FLCN: variants seen among roughly 807,000 people sequenced by gnomAD.
The protein encoded by FLCN is folliculin.
FLCN carries 22 observed loss-of-function variants against 62.5 expected under a neutral mutation model. The observed-to-expected ratio is 0.35, with a 90% CI of 0.25 to 0.50. The LOEUF is 0.50. Ranked by LOEUF, FLCN falls within the 20% of genes least tolerant of loss-of-function variation. The pLI is 0.97. For missense variants in FLCN, 657 were observed against 778.0 expected (o/e 0.84, Z 1.85); for synonymous variants, 319 against 310.0 (o/e 1.03, Z -0.30).
At position 17,216,933 on chromosome 17, in the gene FLCN, T is replaced by C. The variant is rs898272398; in HGVS notation, c.1176+136A>G. 4.1e-6 allele frequency: 3 copies of C among 729,912 alleles called. No individual in the cohort carries two copies. Among genetic ancestry groups the C allele is most frequent in the South Asian group, 3.0e-5 (2 of 67,694 alleles). 45.2% of individuals were successfully genotyped at this position (729,912 alleles called of 1,614,324 possible). ...ACCAGACCCGGGTCTCCGTGCCCAC[T>C]GCGCCCCCAGTGGAGACCGTGTGGT... On this transcript the variant is annotated intron_variant, in intron 10 of 13. Transcript: ENST00000285071. The surrounding 1 kb of genome is among the most constrained non-coding windows in gnomAD (Gnocchi z 4.0).
intron 1 of FLCN, among the ~76,000 whole-genome samples, chr17:17,234,178 G>A (rs8079892): frequency 6.6e-6 from 1 of 151,422 alleles, no homozygotes; most frequent in South Asian, 2.1e-4. Context: ...CCAGCACCCA[G>A]AGCCAACATG....
rs1431737113 is a variant in FLCN, at chr17:17,217,085, G to A, written c.1160C>T (p.Ala387Val). The A allele has an allele frequency of 8.1e-6, 13 of 1,612,654 alleles. No homozygotes were observed. Among genetic ancestry groups the A allele is most frequent in the Admixed American group, 3.3e-5 (2 of 59,998 alleles). ...KSRDVDLVQS[A>V]FEVLRTMLPV... is the part of the protein sequence containing the mutation. ...TGTTCTCACCCGAAGTACTTCAAAA[G>A]CTGACTGGACGAGGTCCACGTCTCT... Residue 387 changes from alanine (A) to valine (V), a missense_variant, in exon 10 of 14, where the codon GCT (alanine) becomes GTT (valine). By Grantham distance (64) the Ala-to-Val change is moderately conservative. Coordinates refer to ENST00000285071, the MANE Select transcript of FLCN (RefSeq NM_144997.7).
chr17:17,222,272 G>C (rs1382951114), intron 7 of FLCN, among the ~76,000 whole-genome samples: 1 of 152,138 alleles, frequency 6.6e-6, no homozygotes, highest in African/African-American at 2.4e-5. Flanking sequence ...AGGAAGAAGT[G>C]AGTTCCACAT....
chr17:17,217,605 C>T (rs561894074), intron 9 of FLCN: 38 of 322,886 alleles, frequency 1.2e-4, no homozygotes, highest in South Asian at 7.9e-4. Flanking sequence ...AGTGCCTGGA[C>T]GGACGCATCT....
At chr17:17,217,224 A>AAACCATTTCTAC in intron 9 of FLCN, 42 bp from the exon 10 acceptor site, 1 of 1,344,170 alleles carries the variant, frequency 7.4e-7, no homozygotes, top group Non-Finnish European at 1.1e-6. Flanking sequence ...ACTAGTAGAA[A>AAACCATTTCTAC]TGGTTTTTCT....
chr17:17,213,955 G>A (rs2046827857), intron 13 of FLCN, 99 bp from the exon 14 acceptor site: 4 of 1,318,330 alleles, frequency 3.0e-6, no homozygotes, highest in African/African-American at 1.4e-5. Flanking sequence ...GGCACCAGCA[G>A]GAGCTGTGCA....
chr17:17,226,330 T>A lies in FLCN; in HGVS notation c.250-8A>T, dbSNP rs770589774. 6 of 1,614,066 alleles carry A rather than the reference T, an allele frequency of 3.7e-6. No individual in the cohort carries two copies. The Admixed American group carries it at 1.0e-4, about 27-fold the overall frequency. On this transcript the variant is annotated splice_polypyrimidine_tract_variant and splice_region_variant and intron_variant, in intron 4 of 13. Coordinates refer to ENST00000285071, the MANE Select transcript of FLCN (RefSeq NM_144997.7). ...AGCAAGTGACCGGCAGCCCTGTCCA[T>A]GAAAAGGAAAAGTAAATCTGTTAGT...
chr17:17,224,122 G>A lies in FLCN; in HGVS notation c.418C>T (p.Pro140Ser), dbSNP rs1272462864. The change falls in exon 6 of 14, where the codon CCC becomes TCC. Residue 140 changes from proline to serine, a missense_variant. Coordinates refer to ENST00000285071, the MANE Select transcript of FLCN (RefSeq NM_144997.7). The part of the protein sequence containing the change: ...SCEVCPGREG[P>S]IFFGDEQHGF... ...TGCTGCTCATCTCCGAAGAAGATGG[G>A]GCCTTCACGGCCAGGGCAGACCTGG... 4 of 1,596,696 alleles carry A rather than the reference G, an allele frequency of 2.5e-6. No individual in the cohort carries two copies. Among genetic ancestry groups the A allele is most frequent in the Non-Finnish European group, 3.4e-6 (4 of 1,171,398 alleles).
At chr17:17,235,261 T>TA (rs1395797378) in intron 1 of FLCN, among the ~76,000 whole-genome samples, 3 of 150,510 alleles carry the variant, frequency 2.0e-5, no homozygotes, top group Non-Finnish European at 1.5e-5. Context: ...GCCTGGGCAA[T>TA]AAGAGTAAAA....
At chr17:17,225,053 A>C (rs1290241532) in intron 5 of FLCN, 1 of 152,284 alleles carries the variant, frequency 6.6e-6, no homozygotes, top group Non-Finnish European at 1.5e-5. Context: ...ACCAATGACA[A>C]GGAAGTTTAG....
intron 2 of FLCN, among the ~76,000 whole-genome samples, chr17:17,232,357 G>A (rs142517081): frequency 0.015 from 2,327 of 152,324 alleles, 60 homozygotes; most frequent in African/African-American, 0.052. Context: ...TGACACACAG[G>A]AAGCGCCACA....
chr17:17,221,691 C>T (rs1473449082), intron 7 of FLCN, 63 bp from the exon 8 acceptor site: 2 of 1,538,070 alleles, frequency 1.3e-6, no homozygotes, highest in African/African-American at 1.4e-5. Flanking sequence ...CTGACGCTCA[C>T]CCAGCCCCTG....
chr17:17,224,861 G>T, intron 5 of FLCN: 1 of 154,488 alleles, frequency 6.5e-6, no homozygotes, highest in Non-Finnish European at 1.4e-5. Flanking sequence ...TCTTATAAGA[G>T]GATTTCAGTC....
chr17:17,215,423 G>C, intron 11 of FLCN, 107 bp from the exon 12 acceptor site: 1 of 1,556,072 alleles, frequency 6.4e-7, no homozygotes, highest in South Asian at 1.1e-5. Context: ...CAGTGGGGAA[G>C]GCTGCTGGTG....
intron 4 of FLCN, among the ~76,000 whole-genome samples, chr17:17,227,356 A>AGGACAGGCT (rs2047282789): frequency 6.6e-6 from 1 of 152,054 alleles, no homozygotes; most frequent in Non-Finnish European, 1.5e-5. Flanking sequence ...ACCCGCCTCC[A>AGGACAGGCT]GGACAGGCTG....
At chr17:17,233,698 T>C (rs982184018) in intron 1 of FLCN, among the ~76,000 whole-genome samples, 1 of 147,500 alleles carries the variant, frequency 6.8e-6, no homozygotes, top group Non-Finnish European at 1.5e-5. Flanking sequence ...AGGTCAAGGC[T>C]GCAAGTTCCC....
Position 17,216,985 on chromosome 17 carries a change from G to T in FLCN, c.1176+84C>A. ...CACAGCGGTTCTGTGCTGGGCAGTC[G>T]GTGCACCTTGGCATCCCCACCTGAC... On this transcript the variant is annotated intron_variant, in intron 10 of 13. Coordinates refer to ENST00000285071, the MANE Select transcript of FLCN (RefSeq NM_144997.7). The surrounding 1 kb of genome is among the most constrained non-coding windows in gnomAD (Gnocchi z 4.0). 1 of 996,988 alleles carries T rather than the reference G, an allele frequency of 1.0e-6. No homozygotes were observed. Among genetic ancestry groups the T allele is most frequent in the East Asian group, 2.4e-5 (1 of 41,250 alleles). 61.8% of individuals were successfully genotyped at this position (996,988 alleles called of 1,614,324 possible).
At chr17:17,221,671 AAAAGC>A (rs1387894626) in intron 7 of FLCN, 43 bp from the exon 8 acceptor site, 3 of 1,591,006 alleles carry the variant, frequency 1.9e-6, no homozygotes, top group Non-Finnish European at 2.6e-6. Flanking sequence ...CGCCAAAGGA[AAAAGC>A]AAACCTGACG....
chr17:17,217,105 GTCTCTGCTTTTCCAGA>G lies in FLCN; in HGVS notation c.1124_1139del (p.Ile375ThrfsTer88), dbSNP rs879255673. The G allele has an allele frequency of 6.2e-7, 1 of 1,613,954 alleles. No homozygotes were observed. Among genetic ancestry groups the G allele is most frequent in the Non-Finnish European group, 8.5e-7 (1 of 1,179,884 alleles). ...CAAAAGCTGACTGGACGAGGTCCAC[GTCTCTGCTTTTCCAGA>G]TCACCTGGTTCCCCATGAGAACGTG... On this transcript the variant is annotated frameshift_variant, in exon 10 of 14. Transcript: ENST00000285071. LOFTEE classifies it high-confidence loss of function.
Sources: allele counts gnomAD v4.1 joint callset (sites outside exome capture counted in the v4.1 genomes callset), GRCh38; gene constraint gnomAD v4.1.1; non-coding constraint Gnocchi (gnomAD v3.1); transcripts MANE v1.5; gene names NCBI Gene and HGNC (gene_info 2026-07-23, HGNC 2026-07-21).